The following ZNF518A variants were observed in gnomAD, a reference collection of about 807,000 sequenced individuals.
ZNF518A encodes zinc finger protein 518A.
In ZNF518A, 47 loss-of-function variants were observed where a neutral mutation model predicts 102.7. That is an observed-to-expected ratio of 0.46 (90% CI 0.36 to 0.58). The LOEUF is 0.58. Among genes scored for constraint, ZNF518A ranks in the 20% least tolerant of loss-of-function variants. The pLI, the probability that ZNF518A is intolerant of heterozygous loss-of-function variation, is 0.00. For synonymous variants in ZNF518A, 652 were observed against 594.6 expected (o/e 1.10, Z -1.40); for missense variants, 1,793 against 1,699.8 (o/e 1.05, Z -0.96).
intron 1 of ZNF518A, among the ~76,000 whole-genome samples, chr10:96,184,920 C>T (rs1272025520): frequency 2.0e-5 from 3 of 152,232 alleles, no homozygotes; most frequent in Non-Finnish European, 4.4e-5. Flanking sequence ...TCCATTCTCC[C>T]TGTCACTTTC....
At chr10:96,173,294 A>G (rs2083183984) in intron 1 of ZNF518A, among the ~76,000 whole-genome samples, 1 of 149,812 alleles carries the variant, frequency 6.7e-6, no homozygotes, top group Non-Finnish European at 1.5e-5. Flanking sequence ...TGACCAAGAG[A>G]GCTGATTTCA....
rs782540925 is a variant in ZNF518A, at chr10:96,158,481, A to G, written c.2159A>G (p.Tyr720Cys). ...LKAKSEIEEQ[Y>C]VLEKGQNIDG... The stretch of plus-strand genomic sequence containing the variant: ...GCAAAATCTGAAATTGAAGAACAGT[A>G]TGTTTTAGAAAAAGGACAAAACATT... Residue 720 changes from tyrosine (Y) to cysteine (C), a missense_variant, in exon 6 of 6, where the codon TAT becomes TGT. By Grantham distance (194) the Tyr-to-Cys change is radical. Around this residue, in one of 3 missense-constraint regions of ZNF518A, gnomAD observed 1,741 missense variants for 1,622.6 expected, o/e 1.07. Transcript: ENST00000316045. 2 of 1,612,588 alleles carry G rather than the reference A, an allele frequency of 1.2e-6. No individual in the cohort carries two copies. Among genetic ancestry groups the G allele is most frequent in the South Asian group, 2.2e-5 (2 of 90,944 alleles).
intron 3 of ZNF518A, among the ~76,000 whole-genome samples, 191 bp from the exon 4 acceptor site, chr10:96,155,135 T>G (rs1270180680): frequency 6.6e-6 from 1 of 151,654 alleles, no homozygotes; most frequent in Non-Finnish European, 1.5e-5. Context: ...GACTGAACCT[T>G]CAGTATTCAG....
intron 3 of ZNF518A, among the ~76,000 whole-genome samples, chr10:96,154,775 C>G (rs1175081466): frequency 2.6e-5 from 4 of 152,116 alleles, no homozygotes. Flanking sequence ...AGTTTTATGA[C>G]AAACATCCCA....
chr10:96,144,167 G>A (rs2082066330), intron 3 of ZNF518A, among the ~76,000 whole-genome samples: 1 of 151,898 alleles, frequency 6.6e-6, no homozygotes, highest in South Asian at 2.1e-4. Flanking sequence ...TGTATTTTTT[G>A]TAGAAATGGG....
chr10:96,166,532 G>T (rs587711852), downstream of ZNF518A, among the ~76,000 whole-genome samples: 2 of 152,228 alleles, frequency 1.3e-5, no homozygotes, highest in Admixed American at 1.3e-4. Flanking sequence ...ACTCTGGGAG[G>T]CCGAGACGGG....
intron 2 of ZNF518A, chr10:96,132,880 A>G (rs972477105): frequency 5.9e-5 from 9 of 152,090 alleles, no homozygotes; most frequent in African/African-American, 2.2e-4. Flanking sequence ...GAGATGCTCA[A>G]CTGGTATAAT....
chr10:96,166,081 A>C (rs1398844248), downstream of ZNF518A, among the ~76,000 whole-genome samples: 2 of 152,146 alleles, frequency 1.3e-5, no homozygotes, highest in African/African-American at 2.4e-5. Context: ...AAGGGCATGA[A>C]AATAAAGCTG....
At chr10:96,145,020 T>C (rs1382639430) in intron 3 of ZNF518A, among the ~76,000 whole-genome samples, 2 of 152,070 alleles carry the variant, frequency 1.3e-5, no homozygotes, top group Admixed American at 1.3e-4. Context: ...TCAGGAAACA[T>C]ATTAGTTGAA....
At chr10:96,177,004 G>A (rs1473142422) in intron 1 of ZNF518A, among the ~76,000 whole-genome samples, 1 of 151,194 alleles carries the variant, frequency 6.6e-6, no homozygotes, top group Non-Finnish European at 1.5e-5. Flanking sequence ...TTGAGCCCAT[G>A]AGGTTGAGGC....
Position 96,163,172 on chromosome 10 carries a change from A to T in ZNF518A, c.*2398A>T, listed in dbSNP as rs1554888972. On this transcript the variant is annotated 3_prime_UTR_variant, in exon 6 of 6. Transcript: ENST00000316045. ...TTCTTGCCTTTAAGTTTTAACAGCCATTTAAAGTAAGCTTTGTGCTCCAGA... is the reference window on the plus strand; with the variant it reads ...TTCTTGCCTTTAAGTTTTAACAGCCTTTTAAAGTAAGCTTTGTGCTCCAGA... 2 of 167,058 alleles carry T rather than the reference A, an allele frequency of 1.2e-5. No homozygotes were observed. The allele number at this position is 167,058 out of a possible 1,614,324, so 10.3% of individuals were successfully genotyped here.
intron 1 of ZNF518A, among the ~76,000 whole-genome samples, chr10:96,184,570 T>A (rs1554892350): frequency 1.3e-5 from 2 of 152,216 alleles, no homozygotes; most frequent in African/African-American, 2.4e-5. Context: ...AAGCTTAGTT[T>A]GGCTGGATAT....
At chr10:96,133,812 A>AT (rs2081459095) in intron 3 of ZNF518A, among the ~76,000 whole-genome samples, 164 bp downstream of exon 3, 1 of 152,234 alleles carries the variant, frequency 6.6e-6, no homozygotes, top group East Asian at 1.9e-4. Flanking sequence ...GTTCAGGGCC[A>AT]TTTTTTTACA....
chr10:96,189,132 A>G (rs782394229), intron 1 of ZNF518A, among the ~76,000 whole-genome samples: 1 of 152,180 alleles, frequency 6.6e-6, no homozygotes, highest in African/African-American at 2.4e-5. Flanking sequence ...ACTATGTCCT[A>G]TCATAACATT....
chr10:96,177,434 T>C (rs2083212119), intron 1 of ZNF518A, among the ~76,000 whole-genome samples: 1 of 152,196 alleles, frequency 6.6e-6, no homozygotes, highest in Non-Finnish European at 1.5e-5. Context: ...CACAAAGGAA[T>C]TAAGAGCACT....
At chr10:96,151,655 A>G (rs1554880430) in intron 3 of ZNF518A, 1 of 152,164 alleles carries the variant, frequency 6.6e-6, no homozygotes, top group African/African-American at 2.4e-5. Flanking sequence ...TATTGATTGG[A>G]TGAATGTTCC....
chr10:96,179,943 A>G (rs2083229795), intron 1 of ZNF518A, among the ~76,000 whole-genome samples: 2 of 149,434 alleles, frequency 1.3e-5, no homozygotes, highest in Non-Finnish European at 1.5e-5. Flanking sequence ...CAGTGGCACA[A>G]CCTCGGCTCA....
chr10:96,177,577 T>A (rs1304205194), intron 1 of ZNF518A, among the ~76,000 whole-genome samples: 2 of 152,000 alleles, frequency 1.3e-5, no homozygotes, highest in Non-Finnish European at 2.9e-5. Flanking sequence ...GAAGGGGAAA[T>A]GGAGGAGTAC....
intron 3 of ZNF518A, among the ~76,000 whole-genome samples, chr10:96,149,808 T>A (rs2082342816): frequency 6.6e-6 from 1 of 152,214 alleles, no homozygotes; most frequent in Non-Finnish European, 1.5e-5. Flanking sequence ...TCTGCTTTTT[T>A]AACTATATTA....
Sources: allele counts gnomAD v4.1 joint callset (sites outside exome capture counted in the v4.1 genomes callset), GRCh38; gene constraint gnomAD v4.1.1; regional missense constraint gnomAD v4.1.1; transcripts MANE v1.5; gene names NCBI Gene and HGNC (gene_info 2026-07-23, HGNC 2026-07-21).